Variants in ST7L observed in about 807,000 individuals in gnomAD.
The protein encoded by ST7L is suppressor of tumorigenicity 7 protein-like.
ST7L carries 57 observed loss-of-function variants against 72.5 expected under a neutral mutation model. The ratio of observed to expected loss-of-function variants is 0.79; its 90% CI spans 0.64 to 0.98. The LOEUF is 0.98. Ranked by LOEUF, ST7L falls within the 50% of genes least tolerant of loss-of-function variation. The probability of loss-of-function intolerance (pLI) is 0.00; values close to 1 mark genes in which losing one functional copy is unlikely to be tolerated. For synonymous variants in ST7L, 221 were observed against 240.9 expected (o/e 0.92, Z 0.77); for missense variants, 576 against 672.2 (o/e 0.86, Z 1.58).
rs1050081112 is a variant in ST7L at position 112,525,122 on chromosome 1, C to T, written c.*891G>A. ...CATGCCAGAGATAGTGAGATGTGCACCCTATGTGCTGAGAATGATGGAGCA... is the reference window on the plus strand; with the variant it reads ...CATGCCAGAGATAGTGAGATGTGCATCCTATGTGCTGAGAATGATGGAGCA... On this transcript the variant is annotated 3_prime_UTR_variant, in exon 15 of 15. Coordinates refer to ENST00000358039, the MANE Select transcript of ST7L (RefSeq NM_017744.5). 1 of 152,200 alleles carries T rather than the reference C, an allele frequency of 6.6e-6. No individual in the cohort carries two copies. The highest frequency in any genetic ancestry group is 6.5e-5 in the Admixed American group (1 of 15,272). The allele number at this position is 152,200 out of a possible 1,614,324, so 9.4% of individuals were successfully genotyped here. A position where few individuals can be genotyped will look rare whatever the true frequency, so the allele number is the denominator to read the frequency against.
At chr1:112,535,064 T>C (rs1297391592) in intron 14 of ST7L, among the ~76,000 whole-genome samples, 1 of 152,168 alleles carries the variant, frequency 6.6e-6, no homozygotes, top group African/African-American at 2.4e-5. Flanking sequence ...GGAAGGGATA[T>C]ACACATGCGT....
At chr1:112,576,937 A>G in intron 11 of ST7L, 49 bp downstream of exon 11, 3 of 1,419,288 alleles carry the variant, frequency 2.1e-6, no homozygotes, top group South Asian at 2.4e-5. Flanking sequence ...ACTGTCATCA[A>G]TTTGATAAAC....
intron 12 of ST7L, among the ~76,000 whole-genome samples, chr1:112,555,647 TG>T (rs1026827649): frequency 6.6e-6 from 1 of 152,252 alleles, no homozygotes; most frequent in African/African-American, 2.4e-5. Flanking sequence ...AATTAACATA[TG>T]GCAGAATACC....
At chr1:112,578,262 G>T in intron 10 of ST7L, 83 bp downstream of exon 10, 1 of 1,289,034 alleles carries the variant, frequency 7.8e-7, no homozygotes, top group Non-Finnish European at 1.1e-6. Flanking sequence ...GTGGAAAACA[G>T]CATTGTTTAA....
chr1:112,592,194 T>G (rs1205201967), intron 5 of ST7L, among the ~76,000 whole-genome samples: 1 of 152,142 alleles, frequency 6.6e-6, no homozygotes, highest in Non-Finnish European at 1.5e-5. Flanking sequence ...AATATTAATT[T>G]TGCTACCAAT....
chr1:112,611,969 C>CAAAAA (rs146893029), intron 2 of ST7L, among the ~76,000 whole-genome samples: 4 of 71,564 alleles, frequency 5.6e-5, no homozygotes, highest in Admixed American at 1.8e-4. Context: ...GACCCTGTCT[C>CAAAAA]AAAAAAAAAA....
At chr1:112,615,354 G>A (rs1316171329) in intron 2 of ST7L, among the ~76,000 whole-genome samples, 2 of 152,110 alleles carry the variant, frequency 1.3e-5, no homozygotes, top group Non-Finnish European at 2.9e-5. Context: ...TTCTGAACCA[G>A]CTATCATGTT....
intron 9 of ST7L, among the ~76,000 whole-genome samples, chr1:112,580,266 A>G (rs1663874315): frequency 6.6e-6 from 1 of 152,200 alleles, no homozygotes; most frequent in African/African-American, 2.4e-5. Context: ...CTCACACCTC[A>G]GCTTCCCGAG....
chr1:112,608,659 A>G (rs1668633026), intron 3 of ST7L, among the ~76,000 whole-genome samples: 1 of 152,184 alleles, frequency 6.6e-6, no homozygotes, highest in African/African-American at 2.4e-5. Context: ...GCTGAGCTTC[A>G]TGAGGACAGA....
intron 9 of ST7L, among the ~76,000 whole-genome samples, chr1:112,579,212 G>A (rs979037196): frequency 2.6e-5 from 4 of 151,656 alleles, no homozygotes; most frequent in Non-Finnish European, 4.4e-5. Context: ...GTGAAACCCT[G>A]TCTCTACTAA....
intron 13 of ST7L, among the ~76,000 whole-genome samples, chr1:112,548,600 C>T (rs893293910): frequency 6.6e-6 from 1 of 152,172 alleles, no homozygotes; most frequent in Non-Finnish European, 1.5e-5. Flanking sequence ...TGTAAACCTG[C>T]AATTTTCCTT....
At chr1:112,595,370 GAAAAAAAAA>G (rs67553307) in intron 5 of ST7L, among the ~76,000 whole-genome samples, 8 of 51,998 alleles carry the variant, frequency 1.5e-4, no homozygotes, top group South Asian at 7.5e-4. Flanking sequence ...GGTCTCAAAA[GAAAAAAAAA>G]AAAAAAAAAA....
At chr1:112,542,233 G>T in intron 13 of ST7L, 143 bp from the exon 14 acceptor site, 1 of 773,494 alleles carries the variant, frequency 1.3e-6, no homozygotes, top group Non-Finnish European at 1.9e-6. Flanking sequence ...CAAGGTAGAA[G>T]ACAGTTATCC....
intron 6 of ST7L, among the ~76,000 whole-genome samples, chr1:112,589,765 C>A (rs1358275411): frequency 6.6e-6 from 1 of 152,134 alleles, no homozygotes; most frequent in Non-Finnish European, 1.5e-5. Context: ...CAACATTCAG[C>A]CAAACAGTTT....
chr1:112,552,460 A>G lies in ST7L; in HGVS notation c.1397-1767T>C, dbSNP rs190098097. Among the ~76,000 whole-genome samples, 462 of 152,256 alleles carry G rather than the reference A, an allele frequency of 3.0e-3. 2 individuals are homozygous for G. The highest frequency in any genetic ancestry group is 0.022 in the East Asian group (112 of 5,182). On this transcript the variant is annotated intron_variant, in intron 12 of 14. Transcript: ENST00000358039. ...GCTCTTGTTGCCCAGGCTGGAGTAC[A>G]ATGGTGCGATCTCGGCTCACCACAA... is the stretch of plus-strand genomic sequence containing the variant.
upstream of ST7L, chr1:112,619,387 T>G: frequency 3.6e-6 from 2 of 559,920 alleles, no homozygotes; most frequent in Non-Finnish European, 3.2e-6. Context: ...CCAAACGAAA[T>G]GAGGGTCACC....
At chr1:112,519,147 C>T (rs572485012), downstream of ST7L, among the ~76,000 whole-genome samples, 1 of 152,300 alleles carries the variant, frequency 6.6e-6, no homozygotes, top group South Asian at 2.1e-4. Context: ...AGTCAGTCCA[C>T]ATTCCAGACC....
chr1:112,539,925 G>A (rs1021901389), intron 14 of ST7L: 5 of 985,148 alleles, frequency 5.1e-6, no homozygotes, highest in Non-Finnish European at 6.0e-6. Context: ...CAAAATAAAT[G>A]CTTGTTTATT....
At chr1:112,579,317 G>A (rs1571144915) in intron 9 of ST7L, among the ~76,000 whole-genome samples, 1 of 149,950 alleles carries the variant, frequency 6.7e-6, no homozygotes, top group African/African-American at 2.5e-5. Context: ...CTGGAAGGCC[G>A]AGGTTGCAGT....
Sources: allele counts gnomAD v4.1 joint callset (sites outside exome capture counted in the v4.1 genomes callset), GRCh38; gene constraint gnomAD v4.1.1; transcripts MANE v1.5; gene names NCBI Gene and HGNC (gene_info 2026-07-23, HGNC 2026-07-21).